EXOC4: variants seen among roughly 807,000 people sequenced by gnomAD.
EXOC4 encodes the protein exocyst complex component 4.
A neutral mutation model predicts 107.2 loss-of-function variants in EXOC4; 71 were observed. The ratio of observed to expected loss-of-function variants is 0.66; its 90% CI spans 0.55 to 0.81. EXOC4 has a LOEUF of 0.81. Among genes scored for constraint, EXOC4 ranks in the 30% least tolerant of loss-of-function variants. The pLI, the probability that EXOC4 is intolerant of heterozygous loss-of-function variation, is 0.00. For missense variants in EXOC4, 1,108 were observed against 1,189.6 expected (o/e 0.93, Z 1.01); for synonymous variants, 456 against 441.2 (o/e 1.03, Z -0.42).
intron 2 of EXOC4, among the ~76,000 whole-genome samples, chr7:133,284,028 T>C (rs1224119134): frequency 9.9e-5 from 15 of 152,198 alleles, no homozygotes; most frequent in Admixed American, 9.8e-4. Context: ...GTTCCTGTAG[T>C]TTCTTTGGTC....
At chr7:133,341,936 G>A (rs1795670345) in intron 5 of EXOC4, among the ~76,000 whole-genome samples, 1 of 152,046 alleles carries the variant, frequency 6.6e-6, no homozygotes, top group African/African-American at 2.4e-5. Flanking sequence ...TATGTGTCAG[G>A]TGAGTCTCTT....
chr7:133,609,958 T>C (rs1286613830), intron 9 of EXOC4, among the ~76,000 whole-genome samples: 1 of 152,222 alleles, frequency 6.6e-6, no homozygotes, highest in Non-Finnish European at 1.5e-5. Context: ...TTTTTACCCA[T>C]AGGATGAGAG....
At chr7:133,586,829 A>AT (rs1222764881) in intron 9 of EXOC4, among the ~76,000 whole-genome samples, 1 of 151,254 alleles carries the variant, frequency 6.6e-6, no homozygotes, top group African/African-American at 2.4e-5. Flanking sequence ...TCCTTATCCC[A>AT]TTTTTTTTGT....
At chr7:133,799,921 A>G (rs1455163187) in intron 10 of EXOC4, among the ~76,000 whole-genome samples, 1 of 152,202 alleles carries the variant, frequency 6.6e-6, no homozygotes, top group East Asian at 1.9e-4. Context: ...TAAAGGAAAT[A>G]ATGCACACTC....
chr7:133,356,541 G>T lies in EXOC4; in HGVS notation c.975G>T (p.Arg325=), dbSNP rs141180561. 127 of 1,614,042 alleles carry T rather than the reference G, an allele frequency of 7.9e-5. 1 individual carries two copies. The African/African-American group carries it at 1.6e-3, about 20-fold the overall frequency. The change falls in exon 6 of 18, where the codon CGG becomes CGT. Residue 325 remains arginine, a synonymous_variant. Coordinates refer to ENST00000253861, the MANE Select transcript of EXOC4 (RefSeq NM_021807.4). Reference sequence around the variant, plus strand: ...AGGTGGCAGACAGTGGCTATCAGCGGGGGGAGAACGTTACTGTGGAGAACC... The same window carrying T: ...AGGTGGCAGACAGTGGCTATCAGCGTGGGGAGAACGTTACTGTGGAGAACC... The part of the protein sequence containing the change: ...TTQVADSGYQ[R]GENVTVENQP...
At chr7:133,923,011 T>C (rs1799972909) in intron 13 of EXOC4, among the ~76,000 whole-genome samples, 1 of 151,828 alleles carries the variant, frequency 6.6e-6, no homozygotes, top group African/African-American at 2.4e-5. Context: ...TAACCATATA[T>C]GTGCATTTTG....
At chr7:133,860,803 A>T (rs1798517786) in intron 11 of EXOC4, among the ~76,000 whole-genome samples, 1 of 152,180 alleles carries the variant, frequency 6.6e-6, no homozygotes, top group South Asian at 2.1e-4. Context: ...AAGCAATTCC[A>T]CATACATGCA....
At chr7:134,001,029 T>C (rs1257706086) in intron 15 of EXOC4, among the ~76,000 whole-genome samples, 1 of 152,148 alleles carries the variant, frequency 6.6e-6, no homozygotes, top group Non-Finnish European at 1.5e-5. Flanking sequence ...GTGTTTGACA[T>C]TTTACCTGTG....
rs1400897340 is a variant in EXOC4 at position 133,911,217 on chromosome 7, T to C, written c.1872-6366T>C. 2.6e-5 allele frequency among the ~76,000 whole-genome samples: 4 copies of C among 152,252 alleles called. No homozygotes were observed. In the East Asian group the frequency reaches 7.7e-4, roughly 29 times the overall value. On this transcript the variant is annotated intron_variant, in intron 12 of 17. Transcript: ENST00000253861. ...TTCTGGTAGGGATGATTAACCTTGCTTCTCCTATGGAATAATTTTTGGACA... is the reference window on the plus strand; with the variant it reads ...TTCTGGTAGGGATGATTAACCTTGCCTCTCCTATGGAATAATTTTTGGACA...
chr7:133,876,187 C>G (rs1486498441), intron 11 of EXOC4, among the ~76,000 whole-genome samples: 1 of 151,040 alleles, frequency 6.6e-6, no homozygotes, highest in Non-Finnish European at 1.5e-5. Context: ...AAAAAATTAA[C>G]TCATATTGCT....
intron 10 of EXOC4, among the ~76,000 whole-genome samples, chr7:133,654,423 T>TA (rs1803236841): frequency 6.6e-6 from 1 of 152,178 alleles, no homozygotes; most frequent in African/African-American, 2.4e-5. Flanking sequence ...CCGTTATACC[T>TA]AAATTAATTA....
chr7:133,856,243 A>G lies in EXOC4; in HGVS notation c.1734+38699A>G, dbSNP rs115631344. On this transcript the variant is annotated intron_variant, in intron 11 of 17. Transcript: ENST00000253861. Reference sequence around the variant, plus strand: ...TACCAATCTACAGCACCTATATGGGAATTCAATCAGTAATGTGTTTAAAAG... The same window carrying G: ...TACCAATCTACAGCACCTATATGGGGATTCAATCAGTAATGTGTTTAAAAG... 2.4e-3 allele frequency among the ~76,000 whole-genome samples: 365 copies of G among 152,342 alleles called. 5 individuals carry two copies. The highest frequency in any genetic ancestry group is 8.2e-3 in the African/African-American group (341 of 41,570).
intron 7 of EXOC4, among the ~76,000 whole-genome samples, chr7:133,386,055 A>T (rs987434980): frequency 1.3e-5 from 2 of 151,944 alleles, no homozygotes; most frequent in Admixed American, 1.3e-4. Flanking sequence ...ACATTGACAG[A>T]TATAATTATA....
chr7:133,484,244 T>G (rs1353892524), intron 9 of EXOC4: 5 of 1,373,218 alleles, frequency 3.6e-6, no homozygotes, highest in Non-Finnish European at 4.8e-6. Flanking sequence ...GCTCTAACTG[T>G]TATGGTACAG....
chr7:134,094,520 T>G, the EXOC4 span, among the ~76,000 whole-genome samples: 1 of 152,160 alleles, frequency 6.6e-6, no homozygotes, highest in Non-Finnish European at 1.5e-5. Flanking sequence ...GCTGACACTA[T>G]TTTAAAAAAT....
intron 9 of EXOC4, chr7:133,576,347 C>T (rs1801125906): frequency 1.7e-6 from 1 of 577,492 alleles, no homozygotes; most frequent in African/African-American, 2.0e-5. Context: ...TGGCAGATCA[C>T]ACCTTAAGAA....
intron 13 of EXOC4, among the ~76,000 whole-genome samples, chr7:133,927,657 T>C (rs1415791340): frequency 6.6e-6 from 1 of 152,200 alleles, no homozygotes; most frequent in African/African-American, 2.4e-5. Flanking sequence ...TTTTAAAATA[T>C]AATTATAAAA....
chr7:133,827,587 C>T (rs556652025), intron 11 of EXOC4, among the ~76,000 whole-genome samples: 1 of 152,310 alleles, frequency 6.6e-6, no homozygotes, highest in African/African-American at 2.4e-5. Flanking sequence ...ACCAACCTTA[C>T]ACATTTTATA....
At chr7:134,068,943 A>G (rs1047711684), downstream of EXOC4, among the ~76,000 whole-genome samples, 5 of 152,312 alleles carry the variant, frequency 3.3e-5, no homozygotes, top group South Asian at 4.1e-4. Flanking sequence ...GAGTCGGGCA[A>G]TGACAGGCAA....
Sources: allele counts gnomAD v4.1 joint callset (sites outside exome capture counted in the v4.1 genomes callset), GRCh38; gene constraint gnomAD v4.1.1; transcripts MANE v1.5; gene names NCBI Gene and HGNC (gene_info 2026-07-23, HGNC 2026-07-21).